DOK5: variants seen among roughly 807,000 people sequenced by gnomAD.
DOK5 encodes downstream of tyrosine kinase 5.
Under a neutral mutation model 43.3 loss-of-function variants are expected in DOK5, and 27 were observed. That is an observed-to-expected ratio of 0.62 (90% CI 0.46 to 0.86). The LOEUF is 0.86. Among genes scored for constraint, DOK5 ranks in the 40% least tolerant of loss-of-function variants. The probability of loss-of-function intolerance (pLI) is 0.00; values close to 1 mark genes in which losing one functional copy is unlikely to be tolerated. For missense variants in DOK5, 373 were observed against 392.9 expected (o/e 0.95, Z 0.43); for synonymous variants, 146 against 140.1 (o/e 1.04, Z -0.30).
chr20:54,483,312 G>C (rs796148355), intron 1 of DOK5, among the ~76,000 whole-genome samples: 2 of 152,240 alleles, frequency 1.3e-5, no homozygotes, highest in African/African-American at 4.8e-5. Context: ...GTGGGGAATC[G>C]TTTGGTATTT....
intron 1 of DOK5, among the ~76,000 whole-genome samples, chr20:54,488,200 G>A (rs1030708396): frequency 2.0e-5 from 3 of 152,200 alleles, no homozygotes; most frequent in Non-Finnish European, 2.9e-5. Flanking sequence ...TATCACGAAC[G>A]TAGTCTAGTC....
chr20:54,592,609 C>T (rs1002226811), intron 5 of DOK5, among the ~76,000 whole-genome samples: 4 of 150,754 alleles, frequency 2.7e-5, no homozygotes, highest in Non-Finnish European at 4.4e-5. Context: ...GGCACAGTCT[C>T]GGCTCACTGC....
intron 1 of DOK5, among the ~76,000 whole-genome samples, chr20:54,531,626 G>A (rs1339188872): frequency 2.0e-5 from 3 of 152,188 alleles, no homozygotes; most frequent in African/African-American, 4.8e-5. Context: ...GTTCCAATTA[G>A]TTTCTAGGGG....
At position 54,475,844 on chromosome 20, in the gene DOK5, A is replaced by G. The variant is rs770546102; in HGVS notation, c.-103A>G. Reference sequence around the variant, plus strand: ...CCGCCGAAGCAGCTTCACCTCTCCAACTTTCTCCCACCGACTGCTTGTCTT... The same window carrying G: ...CCGCCGAAGCAGCTTCACCTCTCCAGCTTTCTCCCACCGACTGCTTGTCTT... On this transcript the variant is annotated 5_prime_UTR_variant, in exon 1 of 8. Transcript: ENST00000262593. The surrounding 1 kb of genome is among the most constrained non-coding windows in gnomAD (Gnocchi z 4.2). 1.3e-4 allele frequency: 185 copies of G among 1,445,886 alleles called. No homozygotes were observed. The highest frequency in any genetic ancestry group is 1.7e-4 in the Non-Finnish European group (183 of 1,047,830). 89.6% of individuals were successfully genotyped at this position (1,445,886 alleles called of 1,614,324 possible).
chr20:54,560,211 C>G (rs909574784), intron 2 of DOK5, among the ~76,000 whole-genome samples: 2 of 152,188 alleles, frequency 1.3e-5, no homozygotes, highest in African/African-American at 2.4e-5. Flanking sequence ...TCTTCCGATA[C>G]AGCTGTCTAT....
intron 6 of DOK5, among the ~76,000 whole-genome samples, chr20:54,627,913 T>A (rs563355654): frequency 1.3e-5 from 2 of 152,162 alleles, no homozygotes; most frequent in Non-Finnish European, 2.9e-5. Context: ...TCTCAAGAAG[T>A]GTGACCGTCT....
intron 5 of DOK5, among the ~76,000 whole-genome samples, chr20:54,596,296 T>C (rs1013639220): frequency 6.6e-6 from 1 of 152,216 alleles, no homozygotes; most frequent in Admixed American, 6.5e-5. Flanking sequence ...TCCCCTTCTC[T>C]CACATCGAGA....
intron 6 of DOK5, among the ~76,000 whole-genome samples, chr20:54,630,329 T>C (rs533027020): frequency 2.1e-4 from 32 of 152,264 alleles, no homozygotes; most frequent in Non-Finnish European, 3.5e-4. Context: ...AATCTCAAGA[T>C]TGTAGTTGTT....
At chr20:54,554,496 T>G (rs1292679424) in intron 1 of DOK5, among the ~76,000 whole-genome samples, 3 of 152,226 alleles carry the variant, frequency 2.0e-5, no homozygotes, top group African/African-American at 7.2e-5. Context: ...CCATCCATTA[T>G]GAGGAATATC....
At chr20:54,590,664 A>G (rs768035609) in intron 4 of DOK5, among the ~76,000 whole-genome samples, 5 of 152,196 alleles carry the variant, frequency 3.3e-5, no homozygotes, top group Non-Finnish European at 7.4e-5. Flanking sequence ...CAGCATTACT[A>G]TTTACTAAAT....
rs1418825403 is a variant in DOK5, at chr20:54,476,752, T to G, written c.66+740T>G. On this transcript the variant is annotated intron_variant, in intron 1 of 7. Transcript: ENST00000262593. Reference sequence around the variant, plus strand: ...AAGAATGAATGAATCTTAGGGCACTTGGGACAGATGTTGACACAGGCTAGC... The same window carrying G: ...AAGAATGAATGAATCTTAGGGCACTGGGGACAGATGTTGACACAGGCTAGC... 8.5e-5 allele frequency among the ~76,000 whole-genome samples: 13 copies of G among 152,142 alleles called. 1 individual carries two copies.
intron 1 of DOK5, among the ~76,000 whole-genome samples, chr20:54,522,487 A>C (rs1983438303): frequency 6.6e-6 from 1 of 152,098 alleles, no homozygotes; most frequent in East Asian, 1.9e-4. Context: ...GAAGGAGAGA[A>C]AACAAAGTTG....
intron 6 of DOK5, among the ~76,000 whole-genome samples, chr20:54,631,096 A>G (rs939841616): frequency 7.9e-5 from 12 of 152,252 alleles, no homozygotes; most frequent in Admixed American, 3.3e-4. Flanking sequence ...AGAAGACAGT[A>G]TTTAGGAATG....
At chr20:54,503,572 T>G (rs1982691814) in intron 1 of DOK5, among the ~76,000 whole-genome samples, 1 of 152,158 alleles carries the variant, frequency 6.6e-6, no homozygotes. Context: ...CACTTACTAC[T>G]TCACTAAAAT....
chr20:54,637,530 T>C (rs1409412928), intron 6 of DOK5, among the ~76,000 whole-genome samples: 1 of 152,228 alleles, frequency 6.6e-6, no homozygotes, highest in Non-Finnish European at 1.5e-5. Context: ...TTCCCCAAGG[T>C]CCTGCTTCTG....
At chr20:54,569,928 T>C (rs962176231) in intron 2 of DOK5, among the ~76,000 whole-genome samples, 1 of 152,222 alleles carries the variant, frequency 6.6e-6, no homozygotes, top group Non-Finnish European at 1.5e-5. Context: ...CTGTCTAGAC[T>C]GGTTCTTTCT....
rs368745115 is a variant in DOK5 at position 54,644,317 on chromosome 20, A to G, written c.856+739A>G. 1.6e-3 allele frequency among the ~76,000 whole-genome samples: 244 copies of G among 151,932 alleles called. 5 individuals are homozygous for G. The East Asian group carries it at 0.036, about 23-fold the overall frequency. On this transcript the variant is annotated intron_variant, in intron 7 of 7. Transcript: ENST00000262593. ...CCAGGCGTGGTGGCTCACGCCTGTA[A>G]TATCAGCACTTTGGGAGGCCAAGGC...
intron 1 of DOK5, among the ~76,000 whole-genome samples, chr20:54,538,469 T>C (rs1210379014): frequency 6.6e-6 from 1 of 152,082 alleles, no homozygotes; most frequent in East Asian, 1.9e-4. Context: ...AAATAGTTGA[T>C]TAAGATTTCT....
At chr20:54,643,797 G>A (rs1026811244) in intron 7 of DOK5, among the ~76,000 whole-genome samples, 6 of 152,170 alleles carry the variant, frequency 3.9e-5, no homozygotes, top group Non-Finnish European at 7.3e-5. Context: ...GTGTCCGGGG[G>A]GAAGTCACTT....
Sources: gnomAD v4.1 joint callset for allele counts (sites outside exome capture counted in the v4.1 genomes callset) on GRCh38, gnomAD v4.1.1 for gene constraint, Gnocchi (gnomAD v3.1) non-coding constraint, MANE v1.5 for transcripts, NCBI Gene and HGNC (gene_info 2026-07-23, HGNC 2026-07-21) for gene names.